The following RAB22A variants were observed in gnomAD, a reference collection of about 807,000 sequenced individuals.
RAB22A encodes ras-related protein Rab-22A.
In RAB22A, 13 loss-of-function variants were observed where a neutral mutation model predicts 30.2. The ratio of observed to expected loss-of-function variants is 0.43; its 90% CI spans 0.28 to 0.68. The LOEUF is 0.68. RAB22A is among the 30% of genes least tolerant of loss of function. The pLI is 0.18. For missense variants in RAB22A, 177 were observed against 246.8 expected, an observed-to-expected ratio of 0.72 and a Z score of 1.89; for synonymous variants, 89 against 87.2, an observed-to-expected ratio of 1.02 and a Z score of -0.11.
In RAB22A at chr20:58,341,112, G is replaced by A. The variant is rs989342417; in HGVS notation, c.117-2606G>A. ...TCACAGCAAGTATGAGTGGAAATTC[G>A]TCTGTTCTCTAGTTGAAAGTGTTGA... On this transcript the variant is annotated intron_variant, in intron 2 of 6. Coordinates refer to ENST00000244040, the MANE Select transcript of RAB22A (RefSeq NM_020673.3). Among the ~76,000 whole-genome samples, 6 of 152,294 alleles carry A rather than the reference G, an allele frequency of 3.9e-5. No individual in the cohort carries two copies. The East Asian group carries it at 9.6e-4, about 24-fold the overall frequency.
intron 2 of RAB22A, among the ~76,000 whole-genome samples, chr20:58,335,659 A>C (rs917134527): frequency 2.6e-5 from 4 of 152,342 alleles, no homozygotes; most frequent in Non-Finnish European, 5.9e-5. Flanking sequence ...GAGGAATTCA[A>C]TGGCTGGAAA....
chr20:58,310,131 C>G (rs1986192291), intron 1 of RAB22A, 119 bp downstream of exon 1: 1 of 1,029,816 alleles, frequency 9.7e-7, no homozygotes, highest in Non-Finnish European at 1.2e-6. Flanking sequence ...GTCTGCCAGC[C>G]CCGTGGACCC....
intron 2 of RAB22A, among the ~76,000 whole-genome samples, chr20:58,336,215 T>A (rs892084118): frequency 3.9e-5 from 6 of 152,190 alleles, no homozygotes; most frequent in Admixed American, 2.0e-4. Context: ...TTTCACCATG[T>A]TGGCCAGGCT....
Position 58,364,151 on chromosome 20 carries a change from A to AT in RAB22A, c.*4449dup, listed in dbSNP as rs1987276029. The AT allele has an allele frequency of 6.5e-6, 1 of 152,672 alleles. No individual in the cohort carries two copies. Among genetic ancestry groups the AT allele is most frequent in the Non-Finnish European group, 1.5e-5 (1 of 68,042 alleles). The allele number at this position is 152,672 out of a possible 1,614,324, so 9.5% of individuals were successfully genotyped here. On this transcript the variant is annotated 3_prime_UTR_variant, in exon 7 of 7. Transcript: ENST00000244040. ...TCCATTTTTTCAGTCTAAGAGAATG[A>AT]TAAGTGAGAGGCCTATTGTGATGAA...
At chr20:58,341,024 A>G (rs1259993566) in intron 2 of RAB22A, among the ~76,000 whole-genome samples, 1 of 152,216 alleles carries the variant, frequency 6.6e-6, no homozygotes, top group Non-Finnish European at 1.5e-5. Flanking sequence ...GAACCAGGGC[A>G]GCATTGACAC....
chr20:58,323,065 T>C (rs142471754), intron 2 of RAB22A, among the ~76,000 whole-genome samples: 12 of 152,322 alleles, frequency 7.9e-5, no homozygotes, highest in Non-Finnish European at 1.8e-4. Flanking sequence ...TGGAGAGAAA[T>C]GGTATCTTTA....
At chr20:58,317,507 T>A (rs1360637680) in intron 2 of RAB22A, among the ~76,000 whole-genome samples, 2 of 152,114 alleles carry the variant, frequency 1.3e-5, no homozygotes, top group Non-Finnish European at 2.9e-5. Context: ...TTTAAAATGC[T>A]TAGGAAAGTA....
At chr20:58,335,293 T>A (rs1986728795) in intron 2 of RAB22A, among the ~76,000 whole-genome samples, 1 of 152,248 alleles carries the variant, frequency 6.6e-6, no homozygotes, top group Non-Finnish European at 1.5e-5. Context: ...GCAGTTCTGC[T>A]TCTAGGTCTT....
intron 2 of RAB22A, among the ~76,000 whole-genome samples, chr20:58,335,730 T>G (rs191929709): frequency 3.3e-5 from 5 of 152,338 alleles, no homozygotes; most frequent in African/African-American, 1.2e-4. Flanking sequence ...TTGAAACATA[T>G]GACTGTATTA....
intron 2 of RAB22A, among the ~76,000 whole-genome samples, chr20:58,342,333 T>C (rs980086174): frequency 5.3e-5 from 8 of 152,232 alleles, no homozygotes; most frequent in African/African-American, 1.9e-4. Context: ...CCTCCTAATT[T>C]ACCTTCGCTT....
intron 2 of RAB22A, among the ~76,000 whole-genome samples, chr20:58,340,342 T>C (rs892383221): frequency 2.6e-5 from 4 of 152,298 alleles, no homozygotes; most frequent in Non-Finnish European, 5.9e-5. Context: ...AGGACACTGC[T>C]TGGGCGTACT....
intron 2 of RAB22A, among the ~76,000 whole-genome samples, chr20:58,340,626 G>T (rs1986839193): frequency 6.6e-6 from 1 of 152,048 alleles, no homozygotes; most frequent in East Asian, 1.9e-4. Context: ...TATTACAGAG[G>T]AAGAGTTACA....
rs562037892 is a variant in RAB22A, at chr20:58,360,998, T to G, written c.*1295T>G. The G allele has an allele frequency of 1.3e-5, 2 of 152,672 alleles. No homozygotes were observed. Among genetic ancestry groups the G allele is most frequent in the African/African-American group, 4.8e-5 (2 of 41,586 alleles). 9.5% of individuals were successfully genotyped at this position (152,672 alleles called of 1,614,324 possible). On this transcript the variant is annotated 3_prime_UTR_variant, in exon 7 of 7. Transcript: ENST00000244040. The stretch of plus-strand genomic sequence containing the variant: ...CCTCAGACCAACTGAGGAGCTTTCC[T>G]TGTTAACAATTTAGCTTATCTTTCT...
chr20:58,344,344 A>G (rs375033929), intron 3 of RAB22A, among the ~76,000 whole-genome samples: 2 of 152,224 alleles, frequency 1.3e-5, no homozygotes, highest in South Asian at 4.1e-4. Flanking sequence ...CGGGGCCTGA[A>G]CATGGCAGCA....
chr20:58,359,082 A>G (rs764319939), intron 6 of RAB22A, among the ~76,000 whole-genome samples: 2 of 152,080 alleles, frequency 1.3e-5, no homozygotes, highest in Non-Finnish European at 2.9e-5. Context: ...TTGTGCATAT[A>G]TGTCTCTGGA....
rs927027377 is a variant in RAB22A, at chr20:58,323,806, A to AT, written c.116+12694dup. Among the ~76,000 whole-genome samples, 944 of 147,862 alleles carry AT rather than the reference A, an allele frequency of 6.4e-3. 12 individuals carry two copies. The highest frequency in any genetic ancestry group is 0.021 in the African/African-American group (853 of 40,344). ...TTTATTTTGTTTGCTGGGATCTTTGATTTTTTTTTTAACATAATGTTGACT... is the reference window on the plus strand; with the variant it reads ...TTTATTTTGTTTGCTGGGATCTTTGATTTTTTTTTTTAACATAATGTTGACT... On this transcript the variant is annotated intron_variant, in intron 2 of 6. Transcript: ENST00000244040.
intron 2 of RAB22A, among the ~76,000 whole-genome samples, chr20:58,324,954 T>C (rs1473749135): frequency 1.0e-5 from 1 of 95,794 alleles, no homozygotes; most frequent in Non-Finnish European, 1.9e-5. Flanking sequence ...GGCGGGCAGA[T>C]CACGAGGGTC....
chr20:58,356,214 G>A (rs186372166), intron 6 of RAB22A, among the ~76,000 whole-genome samples: 65 of 151,920 alleles, frequency 4.3e-4, no homozygotes, highest in Admixed American at 1.4e-3. Flanking sequence ...GTGAGGCTGC[G>A]GCAGGAGACT....
In RAB22A at chr20:58,363,174, A is replaced by C. The variant is rs1987257429; in HGVS notation, c.*3471A>C. 6.6e-6 allele frequency: 1 copy of C among 152,214 alleles called. No homozygotes were observed. The allele number at this position is 152,214 out of a possible 1,614,324, so 9.4% of individuals were successfully genotyped here. A position where few individuals can be genotyped will look rare whatever the true frequency, so the allele number is the denominator to read the frequency against. ...GCAGTTTAGATTCCGACGACACTGC[A>C]CTAATTGGCATGTCAGCCTCCAGCT... On this transcript the variant is annotated 3_prime_UTR_variant, in exon 7 of 7. Transcript: ENST00000244040.
Sources: allele counts gnomAD v4.1 joint callset (sites outside exome capture counted in the v4.1 genomes callset), GRCh38; gene constraint gnomAD v4.1.1; transcripts MANE v1.5; gene names NCBI Gene and HGNC (gene_info 2026-07-23, HGNC 2026-07-21).